Variants in ZNF614 observed in about 807,000 individuals in gnomAD.
ZNF614 encodes zinc finger protein 614.
In ZNF614, 11 loss-of-function variants were observed where a neutral mutation model predicts 12.8. The ratio of observed to expected loss-of-function variants is 0.86; its 90% CI spans 0.54 to 1.43. The LOEUF is 1.43. Among genes scored for constraint, ZNF614 ranks in the 40% most tolerant of loss-of-function variants. ZNF614 has a pLI of 0.00. For synonymous variants in ZNF614, 237 were observed against 237.5 expected, an observed-to-expected ratio of 1.00 and a Z score of 0.02; for missense variants, 664 against 708.8, an observed-to-expected ratio of 0.94 and a Z score of 0.72.
At chr19:52,022,865 C>G (rs7508453) in intron 2 of ZNF614, among the ~76,000 whole-genome samples, 65,433 of 151,606 alleles carry the variant, frequency 0.43, 16,835 homozygotes, top group African/African-American at 0.71. Flanking sequence ...TTCCTCTCTG[C>G]GTGTGGCATC....
chr19:52,025,652 C>T (rs570240763), intron 2 of ZNF614, 79 bp downstream of exon 2: 20 of 1,484,364 alleles, frequency 1.3e-5, no homozygotes, highest in Non-Finnish European at 1.8e-5. Flanking sequence ...CACAATTATC[C>T]CAGTATATAC....
intron 2 of ZNF614, among the ~76,000 whole-genome samples, chr19:52,019,253 A>G (rs1388649331): frequency 2.0e-5 from 3 of 152,204 alleles, no homozygotes; most frequent in Non-Finnish European, 2.9e-5. Flanking sequence ...ATTGGAATAT[A>G]TAAGTGGAAA....
rs138888485 is a variant in ZNF614 at position 52,017,398 on chromosome 19, T to C, written c.239-39A>G. On this transcript the variant is annotated intron_variant, in intron 4 of 4. Transcript: ENST00000270649. ...GAGTAACAAATTCTTCCATGAGAATTGTATGAGATAAAAATGCTTATGAGG... is the reference window on the plus strand; with the variant it reads ...GAGTAACAAATTCTTCCATGAGAATCGTATGAGATAAAAATGCTTATGAGG... The C allele has an allele frequency of 2.2e-5, 34 of 1,541,016 alleles. No homozygotes were observed. The African/African-American group carries it at 4.1e-4, about 19-fold the overall frequency.
In ZNF614 at chr19:52,014,693, T is replaced by C. The variant is rs2086886133; in HGVS notation, c.*1147A>G. The C allele has an allele frequency of 1.3e-5, 2 of 152,028 alleles. No individual in the cohort carries two copies. Among genetic ancestry groups the C allele is most frequent in the Admixed American group, 6.6e-5 (1 of 15,254 alleles). 9.4% of individuals were successfully genotyped at this position (152,028 alleles called of 1,614,324 possible). ...GCTATTTGGAGTTCTCTTAATCTCATTGTCTAATCTAATCTCCAGCACCCC... is the reference window on the plus strand; with the variant it reads ...GCTATTTGGAGTTCTCTTAATCTCACTGTCTAATCTAATCTCCAGCACCCC... On this transcript the variant is annotated 3_prime_UTR_variant, in exon 5 of 5. Coordinates refer to ENST00000270649, the MANE Select transcript of ZNF614 (RefSeq NM_025040.4).
intron 2 of ZNF614, among the ~76,000 whole-genome samples, chr19:52,020,928 G>A (rs1292975863): frequency 2.0e-5 from 3 of 152,190 alleles, no homozygotes. Flanking sequence ...TCCTGCCCCT[G>A]TGCAGTACCA....
Position 52,016,288 on chromosome 19 carries a change from G to A in ZNF614, c.1310C>T (p.Thr437Ile). 6.2e-7 allele frequency: 1 copy of A among 1,614,110 alleles called. No homozygotes were observed. The highest frequency in any genetic ancestry group is 8.5e-7 in the Non-Finnish European group (1 of 1,180,022). The change falls in exon 5 of 5, where the codon ACC (threonine) becomes ATC (isoleucine). Residue 437 changes from threonine to isoleucine, a missense_variant. Thr to Ile is a moderately conservative substitution (Grantham distance 89, BLOSUM62 -1). Coordinates refer to ENST00000270649, the MANE Select transcript of ZNF614 (RefSeq NM_025040.4). Reference protein sequence around the residue: ...YICNECGKGFTTKRTLIIHQR... With the variant: ...YICNECGKGFITKRTLIIHQR... The stretch of plus-strand genomic sequence containing the variant: ...ATGTATAATAAGAGTGCGCTTTGTG[G>A]TGAAGCCTTTACCACATTCATTGCA...
At chr19:52,021,396 CTACCTTTTGGAG>C (rs1378458757) in intron 2 of ZNF614, among the ~76,000 whole-genome samples, 1 of 151,958 alleles carries the variant, frequency 6.6e-6, no homozygotes, top group East Asian at 1.9e-4. Context: ...TTTCAAGTCA[CTACCTTTTGGAG>C]TAATTTCTTA....
At chr19:52,022,949 G>A (rs990398115) in intron 2 of ZNF614, among the ~76,000 whole-genome samples, 1 of 151,520 alleles carries the variant, frequency 6.6e-6, no homozygotes, top group African/African-American at 2.4e-5. Context: ...GTGTGGTGGT[G>A]GGTGCCTGTA....
In ZNF614 at chr19:52,016,797, G is replaced by C; in HGVS notation, c.801C>G (p.Gly267=). 6.2e-7 allele frequency: 1 copy of C among 1,613,902 alleles called. No individual in the cohort carries two copies. The highest frequency in any genetic ancestry group is 8.5e-7 in the Non-Finnish European group (1 of 1,180,034). ...TAATGAGACTACTCTTCACAGTAGA[G>C]CCTTTTCTATATTCATTGGGTATAC... ...KICIPNEYRK[G]STVKSSLITH... is the part of the protein sequence containing the mutation. Residue 267 remains glycine, a synonymous_variant, in exon 5 of 5, where the codon GGC becomes GGG. Transcript: ENST00000270649.
chr19:52,013,794 A>T lies in ZNF614; in HGVS notation c.*2046T>A, dbSNP rs1600032678. Reference sequence around the variant, plus strand: ...TTACACGAATCTGTACATGTAATACAACTTCTTAGAGTACAAACTAAAAAA... The same window carrying T: ...TTACACGAATCTGTACATGTAATACTACTTCTTAGAGTACAAACTAAAAAA... On this transcript the variant is annotated 3_prime_UTR_variant, in exon 5 of 5. Transcript: ENST00000270649. The T allele has an allele frequency of 2.0e-5, 3 of 152,246 alleles. No individual in the cohort carries two copies. Among genetic ancestry groups the T allele is most frequent in the Admixed American group, 2.0e-4 (3 of 15,294 alleles). The allele number at this position is 152,246 out of a possible 1,614,324, so 9.4% of individuals were successfully genotyped here.
At chr19:52,019,176 CAT>C (rs2086919276) in intron 2 of ZNF614, among the ~76,000 whole-genome samples, 1 of 151,900 alleles carries the variant, frequency 6.6e-6, no homozygotes, top group African/African-American at 2.4e-5. Context: ...AACAGAAAAA[CAT>C]ATATACATAT....
At chr19:52,022,874 T>G (rs1432461541) in intron 2 of ZNF614, among the ~76,000 whole-genome samples, 1 of 151,736 alleles carries the variant, frequency 6.6e-6, no homozygotes, top group African/African-American at 2.4e-5. Flanking sequence ...GCGTGTGGCA[T>G]CCTCCCAGCA....
At position 52,016,334 on chromosome 19, in the gene ZNF614, T is replaced by C. The variant is rs1414683436; in HGVS notation, c.1264A>G (p.Thr422Ala). The change falls in exon 5 of 5, where the codon ACA becomes GCA. Residue 422 changes from threonine to alanine, a missense_variant. Coordinates refer to ENST00000270649, the MANE Select transcript of ZNF614 (RefSeq NM_025040.4). ...RTLVIHQRTHTGEKSYICNEC... is the reference protein window; with the variant it reads ...RTLVIHQRTHAGEKSYICNEC... The stretch of plus-strand genomic sequence containing the variant: ...TTGCATATGTAAGATTTCTCTCCTG[T>C]ATGAGTTCGCTGATGTATAACGAGA... 6.2e-7 allele frequency: 1 copy of C among 1,610,628 alleles called. No individual in the cohort carries two copies. The highest frequency in any genetic ancestry group is 1.1e-5 in the South Asian group (1 of 90,696).
chr19:52,016,688 C>A lies in ZNF614; in HGVS notation c.910G>T (p.Ala304Ser). 1 of 1,614,184 alleles carries A rather than the reference C, an allele frequency of 6.2e-7. No individual in the cohort carries two copies. The highest frequency in any genetic ancestry group is 8.5e-7 in the Non-Finnish European group (1 of 1,180,046). Residue 304 changes from alanine (A) to serine (S), a missense_variant, in exon 5 of 5, where the codon GCT (alanine) becomes TCT (serine). By Grantham distance (99) the Ala-to-Ser change is moderately conservative. Coordinates refer to ENST00000270649, the MANE Select transcript of ZNF614 (RefSeq NM_025040.4). ...TCTCCACTATGAGTTCGCTGATGAG[C>A]AATTAGATAGCGCTTCATTGTAAAG... ...KGFTMKRYLI[A>S]HQRTHSGEKP...
rs758155918 is a variant in ZNF614, at chr19:52,018,389, A to G, written c.121T>C (p.Tyr41His). ...NLYRDVMVEN[Y>H]NHLVSLGYQT... Reference sequence around the variant, plus strand: ...TTACCCAGTGATACTAGGTGGTTATAGTTCTCCACCATCACATCCCGGTAC... The same window carrying G: ...TTACCCAGTGATACTAGGTGGTTATGGTTCTCCACCATCACATCCCGGTAC... The change falls in exon 3 of 5, where the codon TAT (tyrosine) becomes CAT (histidine). Residue 41 changes from tyrosine to histidine, a missense_variant. Coordinates refer to ENST00000270649, the MANE Select transcript of ZNF614 (RefSeq NM_025040.4). The G allele has an allele frequency of 6.2e-7, 1 of 1,614,102 alleles. No individual in the cohort carries two copies. The highest frequency in any genetic ancestry group is 8.5e-7 in the Non-Finnish European group (1 of 1,179,996).
At position 52,017,167 on chromosome 19, in the gene ZNF614, A is replaced by G; in HGVS notation, c.431T>C (p.Ile144Thr). Residue 144 changes from isoleucine to threonine, a missense_variant, in exon 5 of 5, where the codon ATC (isoleucine) becomes ACC (threonine). Ile to Thr is a moderately conservative substitution (Grantham distance 89, BLOSUM62 -1). Transcript: ENST00000270649. ...RKNLKSSLSL[I>T]NQKRRHGINN... ...TATTCCATGTCTTCTCTTCTGGTTG[A>G]TTAAACTTAAACTTGATTTCAAATT... The G allele has an allele frequency of 6.2e-7, 1 of 1,614,168 alleles. No homozygotes were observed. Among genetic ancestry groups the G allele is most frequent in the Non-Finnish European group, 8.5e-7 (1 of 1,180,030 alleles).
chr19:52,023,675 G>A (rs1238365687), intron 2 of ZNF614, among the ~76,000 whole-genome samples: 1 of 152,142 alleles, frequency 6.6e-6, no homozygotes, highest in Non-Finnish European at 1.5e-5. Context: ...AGCATACTGT[G>A]CCATGAACTG....
At chr19:52,017,682 T>C (rs540075917) in intron 4 of ZNF614, 9 of 342,006 alleles carry the variant, frequency 2.6e-5, no homozygotes, top group African/African-American at 8.9e-5. Flanking sequence ...GCCTGGGTGA[T>C]AGAGCGAGAC....
Position 52,016,887 on chromosome 19 carries a change from A to C in ZNF614, c.711T>G (p.Cys237Trp), listed in dbSNP as rs2086901911. The change falls in exon 5 of 5, where the codon TGT becomes TGG. Residue 237 changes from cysteine to tryptophan, a missense_variant. By Grantham distance (215) the Cys-to-Trp change is radical. Transcript: ENST00000270649. ...CIQENPGSGQ[C>W]EKLSRSVLFT... Reference sequence around the variant, plus strand: ...ACAGGACACTTCTGGATAATTTCTCACATTGACCACTTCCAGGATTCTCTT... The same window carrying C: ...ACAGGACACTTCTGGATAATTTCTCCCATTGACCACTTCCAGGATTCTCTT... 6.2e-7 allele frequency: 1 copy of C among 1,613,992 alleles called. No individual in the cohort carries two copies. The highest frequency in any genetic ancestry group is 8.5e-7 in the Non-Finnish European group (1 of 1,180,028).
Sources: gnomAD v4.1 joint callset for allele counts (sites outside exome capture counted in the v4.1 genomes callset) on GRCh38, gnomAD v4.1.1 for gene constraint, MANE v1.5 for transcripts, NCBI Gene and HGNC (gene_info 2026-07-23, HGNC 2026-07-21) for gene names.